Variants in IL1RAPL1 observed in about 807,000 individuals in gnomAD.
IL1RAPL1 encodes the protein interleukin 1 receptor accessory protein like 1.
Under a neutral mutation model 48.4 loss-of-function variants are expected in IL1RAPL1, and 3 were observed. The ratio of observed to expected loss-of-function variants is 0.06; its 90% CI spans 0.03 to 0.16. The LOEUF is 0.16. Among genes scored for constraint, IL1RAPL1 ranks in the 10% least tolerant of loss-of-function variants. IL1RAPL1 has a pLI of 1.00. For missense variants in IL1RAPL1, 349 were observed against 530.6 expected (o/e 0.66, Z 3.36); for synonymous variants, 185 against 187.7 (o/e 0.99, Z 0.12).
At chrX:28,902,580 T>TA (rs1296236334) in intron 2 of IL1RAPL1, among the ~76,000 whole-genome samples, 1 of 112,243 alleles carries the variant, frequency 8.9e-6, no homozygotes, top group African/African-American at 3.2e-5. Flanking sequence ...CTGTCTTTTC[T>TA]ATATCATTTT....
intron 1 of IL1RAPL1, among the ~76,000 whole-genome samples, chrX:28,788,288 A>G (rs1358384261): frequency 6.4e-5 from 7 of 108,540 alleles, no homozygotes; most frequent in Admixed American, 1.9e-4. Flanking sequence ...TTATACCTCA[A>G]TAAAGCTGAG....
chrX:28,730,421 C>A (rs1935740109), intron 1 of IL1RAPL1, among the ~76,000 whole-genome samples: 1 of 111,407 alleles, frequency 9.0e-6, no homozygotes, highest in African/African-American at 3.3e-5. Context: ...CAGAGGAACA[C>A]TTCCGAAAAA....
intron 6 of IL1RAPL1, among the ~76,000 whole-genome samples, chrX:29,853,351 A>T (rs1411615081): frequency 9.1e-6 from 1 of 110,172 alleles, no homozygotes; most frequent in Non-Finnish European, 1.9e-5. Context: ...AAGAAAAAAA[A>T]ATTAGCCAGG....
chrX:29,005,504 C>T (rs1185299323), intron 2 of IL1RAPL1, among the ~76,000 whole-genome samples: 1 of 111,523 alleles, frequency 9.0e-6, no homozygotes, highest in Admixed American at 9.5e-5. Flanking sequence ...CCTTGAAAAA[C>T]AAGTCTTCTG....
At chrX:28,882,070 C>T (rs1419803700) in intron 2 of IL1RAPL1, among the ~76,000 whole-genome samples, 1 of 110,205 alleles carries the variant, frequency 9.1e-6, no homozygotes, top group African/African-American at 3.3e-5. Flanking sequence ...AAAAGATCCA[C>T]ACAGAGACAC....
intron 2 of IL1RAPL1, among the ~76,000 whole-genome samples, chrX:28,926,615 A>G (rs1923749655): frequency 9.0e-6 from 1 of 111,701 alleles, no homozygotes; most frequent in Non-Finnish European, 1.9e-5. Context: ...CTGCATGCAA[A>G]TAGCTAAATA....
intron 3 of IL1RAPL1, among the ~76,000 whole-genome samples, chrX:29,364,534 T>C (rs993749340): frequency 3.3e-5 from 3 of 89,554 alleles, no homozygotes; most frequent in East Asian, 3.4e-4. Flanking sequence ...CTGTACTCCA[T>C]CCTGGGCTAC....
At chrX:29,413,239 A>T (rs1446957217) in intron 5 of IL1RAPL1, among the ~76,000 whole-genome samples, 2 of 112,171 alleles carry the variant, frequency 1.8e-5, no homozygotes, top group African/African-American at 6.5e-5. Flanking sequence ...TGGAACTGTG[A>T]GTCCATTAAA....
At chrX:29,227,034 T>C (rs186558184) in intron 2 of IL1RAPL1, among the ~76,000 whole-genome samples, 1 of 110,089 alleles carries the variant, frequency 9.1e-6, no homozygotes, top group East Asian at 2.9e-4. Flanking sequence ...TCAAGACATT[T>C]GAATCACCTG....
intron 6 of IL1RAPL1, among the ~76,000 whole-genome samples, chrX:29,907,686 A>G (rs1022472578): frequency 1.8e-5 from 2 of 111,894 alleles, no homozygotes; most frequent in Non-Finnish European, 3.8e-5. Context: ...CAACAACGTA[A>G]TGTCCAGATC....
At chrX:29,369,148 C>A in intron 3 of IL1RAPL1, 1 of 110,902 alleles carries the variant, frequency 9.0e-6, no homozygotes, top group East Asian at 2.8e-4. Context: ...GAACCTTGTG[C>A]AGAACCCTGT....
At chrX:29,371,841 T>G (rs150376038) in intron 3 of IL1RAPL1, among the ~76,000 whole-genome samples, 6 of 112,356 alleles carry the variant, frequency 5.3e-5, no homozygotes, top group South Asian at 3.7e-4. Context: ...CAATCCACCA[T>G]TGATGGGCAC....
At chrX:29,869,273 G>A (rs1931757256) in intron 6 of IL1RAPL1, among the ~76,000 whole-genome samples, 1 of 111,909 alleles carries the variant, frequency 8.9e-6, no homozygotes, top group Admixed American at 9.5e-5. Context: ...TGGTATTTTA[G>A]CGTTGTGGAT....
At chrX:29,863,277 A>G (rs1452211167) in intron 6 of IL1RAPL1, among the ~76,000 whole-genome samples, 1 of 112,255 alleles carries the variant, frequency 8.9e-6, no homozygotes, top group East Asian at 2.8e-4. Flanking sequence ...ACACAATGCA[A>G]ATTTTAAATA....
intron 5 of IL1RAPL1, among the ~76,000 whole-genome samples, chrX:29,479,927 A>C (rs1935020802): frequency 9.0e-6 from 1 of 110,978 alleles, no homozygotes; most frequent in Non-Finnish European, 1.9e-5. Context: ...GCCCATGGGC[A>C]CTTAAGTTGG....
At chrX:28,880,948 G>A (rs1569191768) in intron 2 of IL1RAPL1, among the ~76,000 whole-genome samples, 1 of 111,161 alleles carries the variant, frequency 9.0e-6, no homozygotes, top group Non-Finnish European at 1.9e-5. Flanking sequence ...CTTATTGAAT[G>A]AATAAAAATA....
intron 1 of IL1RAPL1, among the ~76,000 whole-genome samples, chrX:28,623,797 A>G (rs1488206805): frequency 9.0e-6 from 1 of 111,367 alleles, no homozygotes; most frequent in African/African-American, 3.3e-5. Context: ...TGGATTGTTT[A>G]TCAGTGGCTG....
intron 6 of IL1RAPL1, among the ~76,000 whole-genome samples, chrX:29,831,249 A>C (rs780717103): frequency 4.5e-5 from 5 of 111,690 alleles, no homozygotes; most frequent in Non-Finnish European, 7.5e-5. Context: ...TCCTGGTATC[A>C]AAAACAGGTA....
At chrX:29,238,122 G>T (rs1330748488) in intron 2 of IL1RAPL1, among the ~76,000 whole-genome samples, 1 of 111,390 alleles carries the variant, frequency 9.0e-6, no homozygotes, top group African/African-American at 3.3e-5. Context: ...TCTCGGTATG[G>T]TAGATCTCTA....
Sources: gnomAD v4.1 joint callset for allele counts (sites outside exome capture counted in the v4.1 genomes callset) on GRCh38, gnomAD v4.1.1 for gene constraint, MANE v1.5 for transcripts, NCBI Gene and HGNC (gene_info 2026-07-23, HGNC 2026-07-21) for gene names.